The following SLC1A3 variants were observed in gnomAD, a reference collection of about 807,000 sequenced individuals.
The protein encoded by SLC1A3 is solute carrier family 1 member 3, also known as excitatory amino acid transporter 1.
Under a neutral mutation model 48.1 loss-of-function variants are expected in SLC1A3, and 21 were observed. The observed-to-expected ratio is 0.44, with a 90% CI of 0.31 to 0.63. SLC1A3 has a LOEUF of 0.63. Ranked by LOEUF, SLC1A3 falls within the 20% of genes least tolerant of loss-of-function variation. The pLI, the probability that SLC1A3 is intolerant of heterozygous loss-of-function variation, is 0.08. For synonymous variants in SLC1A3, 239 were observed against 251.4 expected, an observed-to-expected ratio of 0.95 and a Z score of 0.47; for missense variants, 546 against 689.0, an observed-to-expected ratio of 0.79 and a Z score of 2.32.
At chr5:36,629,622 T>C in intron 3 of SLC1A3, 35 bp downstream of exon 3, 1 of 1,586,306 alleles carries the variant, frequency 6.3e-7, no homozygotes, top group Non-Finnish European at 8.7e-7. Context: ...TTTGGTTTTT[T>C]TTAAGTGTGT....
chr5:36,655,992 T>C (rs551952201), intron 3 of SLC1A3, among the ~76,000 whole-genome samples: 1 of 152,288 alleles, frequency 6.6e-6, no homozygotes, highest in South Asian at 2.1e-4. Flanking sequence ...ATAAATAAGA[T>C]GTGATTTACA....
chr5:36,659,584 AAGCC>A (rs1741424559), intron 3 of SLC1A3, among the ~76,000 whole-genome samples: 1 of 152,218 alleles, frequency 6.6e-6, no homozygotes, highest in Non-Finnish European at 1.5e-5. Context: ...GCCAGGATTC[AAGCC>A]AAGCAGCCCT....
intron 3 of SLC1A3, among the ~76,000 whole-genome samples, chr5:36,660,407 A>C (rs1055618961): frequency 2.0e-5 from 3 of 152,238 alleles, no homozygotes; most frequent in African/African-American, 7.2e-5. Flanking sequence ...AGAAGAAACT[A>C]TGCACGTAAG....
intron 2 of SLC1A3, among the ~76,000 whole-genome samples, chr5:36,621,863 T>C (rs1056663928): frequency 1.3e-5 from 2 of 152,194 alleles, no homozygotes; most frequent in Non-Finnish European, 2.9e-5. Flanking sequence ...TTGTGACTTC[T>C]AACCAACAGA....
At chr5:36,611,589 G>T (rs1739199180) in intron 2 of SLC1A3, among the ~76,000 whole-genome samples, 1 of 152,120 alleles carries the variant, frequency 6.6e-6, no homozygotes, top group Non-Finnish European at 1.5e-5. Context: ...CATGACAAAA[G>T]CTCATGTAAC....
intron 3 of SLC1A3, among the ~76,000 whole-genome samples, chr5:36,666,635 G>C (rs1441210501): frequency 6.6e-6 from 1 of 152,254 alleles, no homozygotes; most frequent in Non-Finnish European, 1.5e-5. Context: ...CAGATTTTCA[G>C]CAGACAGGAG....
At chr5:36,627,622 A>G (rs1424736659) in intron 2 of SLC1A3, among the ~76,000 whole-genome samples, 1 of 152,280 alleles carries the variant, frequency 6.6e-6, no homozygotes, top group Non-Finnish European at 1.5e-5. Flanking sequence ...AGCCTGATAC[A>G]GTGAACGAAT....
At chr5:36,656,653 TGA>T (rs1327568146) in intron 3 of SLC1A3, among the ~76,000 whole-genome samples, 1 of 152,204 alleles carries the variant, frequency 6.6e-6, no homozygotes, top group African/African-American at 2.4e-5. Context: ...CTGGTTGCAG[TGA>T]TGAACTCTTG....
At chr5:36,684,625 CCTTCCACTTT>C (rs1209607872) in intron 9 of SLC1A3, among the ~76,000 whole-genome samples, 1 of 152,232 alleles carries the variant, frequency 6.6e-6, no homozygotes, top group Non-Finnish European at 1.5e-5. Flanking sequence ...TTAAAAATTT[CCTTCCACTTT>C]TGAAAATCTT....
chr5:36,634,287 T>TATAAATAAATAAATAAATAAATAAATAA (rs60704367), intron 3 of SLC1A3, among the ~76,000 whole-genome samples: 64 of 149,978 alleles, frequency 4.3e-4, no homozygotes, highest in African/African-American at 1.3e-3. Context: ...AAAAAAGAAA[T>TATAAATAAATAAATAAATAAATAAATAA]ATAAATAAAT....
chr5:36,665,417 A>C (rs1741700166), intron 3 of SLC1A3, among the ~76,000 whole-genome samples: 1 of 152,230 alleles, frequency 6.6e-6, no homozygotes, highest in Non-Finnish European at 1.5e-5. Flanking sequence ...ACACAGAATG[A>C]ACAAAACTGT....
chr5:36,682,118 A>G lies in SLC1A3; in HGVS notation c.1289+1529A>G, dbSNP rs957889786. ...TAGTAAGAATCTTAAACATACTTCC[A>G]GAATATCCAATCTATATTCAAATTT... On this transcript the variant is annotated intron_variant, in intron 8 of 9. Coordinates refer to ENST00000265113, the MANE Select transcript of SLC1A3 (RefSeq NM_004172.5). Among the ~76,000 whole-genome samples, 3 of 152,364 alleles carry G rather than the reference A, an allele frequency of 2.0e-5. No homozygotes were observed. The East Asian group carries it at 5.8e-4, about 29-fold the overall frequency.
intron 3 of SLC1A3, among the ~76,000 whole-genome samples, chr5:36,659,056 C>T (rs896783486): frequency 6.6e-6 from 1 of 152,014 alleles, no homozygotes; most frequent in Non-Finnish European, 1.5e-5. Context: ...TATCACAATT[C>T]CACATTGGAT....
intron 3 of SLC1A3, among the ~76,000 whole-genome samples, chr5:36,665,398 T>C (rs1487483346): frequency 1.3e-5 from 2 of 152,224 alleles, no homozygotes; most frequent in Non-Finnish European, 2.9e-5. Flanking sequence ...AAAATTCTGG[T>C]AGCAGGAGAC....
At chr5:36,652,751 T>G (rs1741134322) in intron 3 of SLC1A3, among the ~76,000 whole-genome samples, 1 of 152,196 alleles carries the variant, frequency 6.6e-6, no homozygotes, top group South Asian at 2.1e-4. Flanking sequence ...CAGATGTAAA[T>G]GCACAGCGGA....
At chr5:36,610,231 T>C (rs923941627) in intron 2 of SLC1A3, among the ~76,000 whole-genome samples, 1 of 152,214 alleles carries the variant, frequency 6.6e-6, no homozygotes, top group Non-Finnish European at 1.5e-5. Context: ...TTTTAAGAGA[T>C]GCCAGGAAGA....
intron 2 of SLC1A3, chr5:36,609,119 T>A: frequency 1.0e-6 from 1 of 986,102 alleles, no homozygotes; most frequent in Non-Finnish European, 1.2e-6. Context: ...ACCCAGCAAC[T>A]GGGAAAGGTA....
At chr5:36,643,065 G>C (rs559124053) in intron 3 of SLC1A3, among the ~76,000 whole-genome samples, 25 of 152,206 alleles carry the variant, frequency 1.6e-4, no homozygotes, top group African/African-American at 6.0e-4. Flanking sequence ...TCATTAGTTA[G>C]ATATTTGGGT....
chr5:36,634,228 A>T (rs1352400187), intron 3 of SLC1A3, among the ~76,000 whole-genome samples: 1 of 152,112 alleles, frequency 6.6e-6, no homozygotes, highest in Non-Finnish European at 1.5e-5. Context: ...GTGAGCCAAG[A>T]TCGCGCCACT....
Sources: allele counts gnomAD v4.1 joint callset (sites outside exome capture counted in the v4.1 genomes callset), GRCh38; gene constraint gnomAD v4.1.1; transcripts MANE v1.5; gene names NCBI Gene and HGNC (gene_info 2026-07-23, HGNC 2026-07-21).